Variants in BACE2 observed in about 807,000 individuals in gnomAD.
BACE2 encodes the protein 56 kDa aspartic-like protease.
A neutral mutation model predicts 46.2 loss-of-function variants in BACE2; 17 were observed. The ratio of observed to expected loss-of-function variants is 0.37; its 90% CI spans 0.25 to 0.55. BACE2 has a LOEUF of 0.55. Among genes scored for constraint, BACE2 ranks in the 20% least tolerant of loss-of-function variants. The probability of loss-of-function intolerance (pLI) is 0.82; values close to 1 mark genes in which losing one functional copy is unlikely to be tolerated. For missense variants in BACE2, 595 were observed against 698.1 expected, an observed-to-expected ratio of 0.85 and a Z score of 1.66; for synonymous variants, 277 against 295.9, an observed-to-expected ratio of 0.94 and a Z score of 0.66.
rs1037041055 is a variant in BACE2 at position 41,220,861 on chromosome 21, C to G, written c.313-5405C>G. ...AGAATAGAGCATTCATTTACTAAAA[C>G]GAAGAGGTTTAAAGTAACATTTATA... On this transcript the variant is annotated intron_variant, in intron 1 of 8. Coordinates refer to ENST00000330333, the MANE Select transcript of BACE2 (RefSeq NM_012105.5). 2.0e-5 allele frequency among the ~76,000 whole-genome samples: 3 copies of G among 151,658 alleles called. No homozygotes were observed. The South Asian group carries it at 6.2e-4, about 31-fold the overall frequency.
intron 2 of BACE2, among the ~76,000 whole-genome samples, chr21:41,229,298 C>A (rs1186699561): frequency 2.0e-5 from 3 of 152,316 alleles, no homozygotes; most frequent in Non-Finnish European, 4.4e-5. Context: ...TTTAGCAATT[C>A]TTTCCCACTT....
At chr21:41,182,929 G>A (rs1012843154) in intron 1 of BACE2, 4 of 165,588 alleles carry the variant, frequency 2.4e-5, no homozygotes, top group African/African-American at 9.7e-5. Context: ...CTACTCACTG[G>A]TTCACTCATG....
intron 7 of BACE2, 24 bp from the exon 8 acceptor site, chr21:41,257,134 T>G: frequency 6.2e-7 from 1 of 1,613,638 alleles, no homozygotes; most frequent in East Asian, 2.2e-5. Context: ...CTTGTTTGTT[T>G]GCTCTCTCCT....
At chr21:41,269,424 C>T (rs563707460) in intron 8 of BACE2, among the ~76,000 whole-genome samples, 3 of 152,212 alleles carry the variant, frequency 2.0e-5, no homozygotes, top group East Asian at 1.9e-4. Flanking sequence ...TATATGTGTG[C>T]GCACCTTGAA....
intron 1 of BACE2, among the ~76,000 whole-genome samples, chr21:41,169,659 T>C (rs1984528482): frequency 6.6e-6 from 1 of 152,230 alleles, no homozygotes; most frequent in Admixed American, 6.5e-5. Context: ...TCTCATTAAA[T>C]TATTCAAGAC....
At chr21:41,226,678 T>C (rs1295794936) in intron 2 of BACE2, among the ~76,000 whole-genome samples, 1 of 152,184 alleles carries the variant, frequency 6.6e-6, no homozygotes, top group Non-Finnish European at 1.5e-5. Context: ...GCAGCAGCTT[T>C]AGTTCTGCAG....
intron 8 of BACE2, among the ~76,000 whole-genome samples, chr21:41,267,697 G>A (rs1296492263): frequency 4.6e-5 from 7 of 152,160 alleles, no homozygotes; most frequent in Admixed American, 4.6e-4. Flanking sequence ...AAAGCCAGGG[G>A]ACCCCAAAGG....
chr21:41,239,767 A>G (rs1987236243), intron 3 of BACE2, among the ~76,000 whole-genome samples: 1 of 152,214 alleles, frequency 6.6e-6, no homozygotes, highest in African/African-American at 2.4e-5. Context: ...CTGTCTGCAG[A>G]GCCAGGGCTG....
intron 8 of BACE2, among the ~76,000 whole-genome samples, chr21:41,261,968 A>C (rs1987947911): frequency 6.6e-6 from 1 of 152,184 alleles, no homozygotes; most frequent in Non-Finnish European, 1.5e-5. Context: ...TAAGTTGCAG[A>C]TATCATGACT....
chr21:41,227,564 C>T (rs1335107019), intron 2 of BACE2, among the ~76,000 whole-genome samples: 1 of 152,152 alleles, frequency 6.6e-6, no homozygotes, highest in Non-Finnish European at 1.5e-5. Context: ...CACTTTGGTG[C>T]CATAAATGAT....
intron 2 of BACE2, chr21:41,230,134 C>T (rs1466056772): frequency 6.6e-6 from 1 of 152,194 alleles, no homozygotes; most frequent in Non-Finnish European, 1.5e-5. Flanking sequence ...CCTGGTACCG[C>T]CTTTCTTTTC....
At chr21:41,273,501 G>A (rs1345523559) in intron 8 of BACE2, among the ~76,000 whole-genome samples, 2 of 152,156 alleles carry the variant, frequency 1.3e-5, no homozygotes, top group Non-Finnish European at 2.9e-5. Context: ...TCTCCTATTT[G>A]CTTTTGAAAG....
At chr21:41,175,748 A>G (rs1322309433) in intron 1 of BACE2, 1 of 152,218 alleles carries the variant, frequency 6.6e-6, no homozygotes, top group African/African-American at 2.4e-5. Context: ...GGTACCAGCA[A>G]TGCCAGGGTT....
intron 1 of BACE2, chr21:41,182,183 G>A (rs1212799678): frequency 3.0e-5 from 5 of 167,064 alleles, no homozygotes; most frequent in Non-Finnish European, 7.3e-5. Context: ...TTTTAAATAG[G>A]TAGCAGAGGT....
At chr21:41,172,694 A>G (rs1045164545) in intron 1 of BACE2, among the ~76,000 whole-genome samples, 5 of 152,262 alleles carry the variant, frequency 3.3e-5, no homozygotes, top group African/African-American at 1.2e-4. Flanking sequence ...ATGTGATTAC[A>G]GGTCCTGAGC....
chr21:41,208,551 G>A (rs1986201965), intron 1 of BACE2, among the ~76,000 whole-genome samples: 1 of 152,186 alleles, frequency 6.6e-6, no homozygotes, highest in Non-Finnish European at 1.5e-5. Context: ...TCCATTCGAG[G>A]GAGGAGCTGC....
At chr21:41,185,155 G>A (rs1382914111) in intron 1 of BACE2, 2 of 167,024 alleles carry the variant, frequency 1.2e-5, no homozygotes, top group African/African-American at 4.8e-5. Context: ...CAAAAGCCTA[G>A]TTACTCTTCC....
At chr21:41,190,780 A>G (rs1985542294) in intron 1 of BACE2, among the ~76,000 whole-genome samples, 1 of 152,178 alleles carries the variant, frequency 6.6e-6, no homozygotes, top group Non-Finnish European at 1.5e-5. Context: ...GTATTCCATG[A>G]GTACTCTTCC....
At chr21:41,188,901 A>T (rs1208325120) in intron 1 of BACE2, among the ~76,000 whole-genome samples, 1 of 152,194 alleles carries the variant, frequency 6.6e-6, no homozygotes, top group Non-Finnish European at 1.5e-5. Context: ...AGCACAGCCA[A>T]TGGCACATTG....
Sources: allele counts gnomAD v4.1 joint callset (sites outside exome capture counted in the v4.1 genomes callset), GRCh38; gene constraint gnomAD v4.1.1; transcripts MANE v1.5; gene names NCBI Gene and HGNC (gene_info 2026-07-23, HGNC 2026-07-21).